GYG2: variants seen among roughly 807,000 people sequenced by gnomAD.
GYG2 encodes glycogenin 2.
A neutral mutation model predicts 29.4 loss-of-function variants in GYG2; 29 were observed. The ratio of observed to expected loss-of-function variants is 0.99; its 90% CI spans 0.74 to 1.35. The LOEUF (loss-of-function observed/expected upper bound fraction) is 1.35. GYG2 is among the 40% of genes most tolerant of loss of function. The pLI, the probability that GYG2 is intolerant of heterozygous loss-of-function variation, is 0.00. For missense variants in GYG2, 370 were observed against 385.7 expected (o/e 0.96, Z 0.34); for synonymous variants, 167 against 172.3 (o/e 0.97, Z 0.24).
chrX:2,860,382 C>T (rs755370097), intron 7 of GYG2, among the ~76,000 whole-genome samples: 9 of 111,019 alleles, frequency 8.1e-5, no homozygotes, highest in Non-Finnish European at 1.5e-4. Context: ...CGACGTCATT[C>T]GGGTCAACAC....
At chrX:2,853,295 C>T (rs1344745786) in intron 3 of GYG2, among the ~76,000 whole-genome samples, 1 of 111,289 alleles carries the variant, frequency 9.0e-6, no homozygotes, top group Non-Finnish European at 1.9e-5. Flanking sequence ...AGTGCAATCT[C>T]CGCCTCCCGG....
rs775311684 is a variant in GYG2 at position 2,830,145 on chromosome X, G to A, written c.-44G>A. On this transcript the variant is annotated 5_prime_UTR_variant, in exon 2 of 11. Coordinates refer to ENST00000398806, the MANE Select transcript of GYG2 (RefSeq NM_001079855.2). ...GGAAGTCCACCCACTGCTCCCGGGC[G>A]CAGGTCTGCAGGTCCGCGCCCACTG... The A allele has an allele frequency of 1.7e-6, 2 of 1,193,864 alleles. No homozygotes were observed. Among genetic ancestry groups the A allele is most frequent in the South Asian group, 1.8e-5 (1 of 56,411 alleles).
chrX:2,860,134 C>A, intron 7 of GYG2, 69 bp downstream of exon 7: 2 of 701,327 alleles, frequency 2.9e-6, no homozygotes, highest in Non-Finnish European at 2.1e-6. Context: ...CAAGGTCTGG[C>A]GTGGTTTTTT....
chrX:2,857,648 A>C lies in GYG2; in HGVS notation c.614+1024A>C, dbSNP rs150166523. On this transcript the variant is annotated intron_variant, in intron 6 of 10. Coordinates refer to ENST00000398806, the MANE Select transcript of GYG2 (RefSeq NM_001079855.2). ...CATCTATCTATATATTAATACATAG[A>C]TGTATCTATCTATATACGTCTTTAT... is the stretch of plus-strand genomic sequence containing the variant. 1.9e-4 allele frequency among the ~76,000 whole-genome samples: 21 copies of C among 110,540 alleles called. No individual in the cohort carries two copies. In the East Asian group the frequency reaches 5.7e-3, roughly 30 times the overall value.
chrX:2,859,811 G>A (rs1183895714), intron 6 of GYG2, 32 bp from the exon 7 acceptor site: 23 of 986,992 alleles, frequency 2.3e-5, no homozygotes, highest in Non-Finnish European at 3.2e-5. Context: ...ACATCTGAGT[G>A]GAAATCAGAA....
rs1173176375 is a variant in GYG2 at position 2,857,290 on chromosome X, TTATC to T, written c.614+681_614+684del. ...ATCTGGATATCTATCTATAAACATC[TTATC>T]TATCTATCTATCTAGATCTACATCA... On this transcript the variant is annotated intron_variant, in intron 6 of 10. Transcript: ENST00000398806. Among the ~76,000 whole-genome samples the T allele has an allele frequency of 7.9e-4, 27 of 34,080 alleles. 1 individual carries two copies. The highest frequency in any genetic ancestry group is 3.2e-3 in the Admixed American group (10 of 3,120). The allele number at this position is 34,080 out of a possible 115,157, so 29.6% of individuals were successfully genotyped here.
intron 8 of GYG2, among the ~76,000 whole-genome samples, chrX:2,873,937 A>C (rs188428933): frequency 1.8e-5 from 2 of 110,365 alleles, no homozygotes; most frequent in Admixed American, 1.9e-4. Flanking sequence ...GAAAAAATAC[A>C]CAAAAAAAAT....
intron 6 of GYG2, among the ~76,000 whole-genome samples, chrX:2,857,145 T>G (rs1351271228): frequency 1.8e-5 from 2 of 108,853 alleles, no homozygotes; most frequent in Non-Finnish European, 3.8e-5. Flanking sequence ...TATGTAGATA[T>G]TTATCTATCT....
chrX:2,846,857 T>C (rs2087749137), intron 3 of GYG2, among the ~76,000 whole-genome samples: 2 of 112,387 alleles, frequency 1.8e-5, no homozygotes, highest in Admixed American at 1.9e-4. Context: ...AAATAGTATA[T>C]AGAACCCTTT....
chrX:2,841,138 T>G (rs1449972001), intron 2 of GYG2, among the ~76,000 whole-genome samples: 2 of 109,163 alleles, frequency 1.8e-5, no homozygotes, highest in Non-Finnish European at 3.8e-5. Flanking sequence ...AGATGATAGA[T>G]GGATGGATGT....
intron 8 of GYG2, among the ~76,000 whole-genome samples, chrX:2,870,631 G>C (rs1210568902): frequency 8.9e-6 from 1 of 111,933 alleles, no homozygotes; most frequent in Non-Finnish European, 1.9e-5. Flanking sequence ...GATCTCTTTG[G>C]CTATGTCTAA....
In GYG2 at chrX:2,845,822, TA is replaced by T. The variant is rs1283211808; in HGVS notation, c.149+2469del. Among the ~76,000 whole-genome samples, 5 of 102,621 alleles carry T rather than the reference TA, an allele frequency of 4.9e-5. No homozygotes were observed. The East Asian group carries it at 1.5e-3, about 32-fold the overall frequency. The allele number at this position is 102,621 out of a possible 115,157, so 89.1% of individuals were successfully genotyped here. On this transcript the variant is annotated intron_variant, in intron 3 of 10. Transcript: ENST00000398806. ...ATGTGTATATATATGTTCAAATGTA[TA>T]TGTATATACATATAAAATATATATA...
At chrX:2,856,737 C>CTATGT (rs755581334) in intron 6 of GYG2, 113 bp downstream of exon 6, 11 of 418,312 alleles carry the variant, frequency 2.6e-5, no homozygotes, top group African/African-American at 2.5e-4. Context: ...ATCTATCTAT[C>CTATGT]ATCTATCTAT....
Position 2,848,096 on chromosome X carries a change from TGA to T in GYG2, c.149+4744_149+4745del, listed in dbSNP as rs201306767. Among the ~76,000 whole-genome samples the T allele has an allele frequency of 9.6e-3, 1,082 of 112,485 alleles. 16 individuals carry two copies. The highest frequency in any genetic ancestry group is 0.031 in the African/African-American group (974 of 30,997). ...ATTATGTGTTAAAGATAAAACAAACTGAGGGCCACATTTAAAATATTATAATG... is the reference window on the plus strand; with the variant it reads ...ATTATGTGTTAAAGATAAAACAAACTGGGCCACATTTAAAATATTATAATG... On this transcript the variant is annotated intron_variant, in intron 3 of 10. Transcript: ENST00000398806.
At chrX:2,838,029 C>A (rs866988011) in intron 2 of GYG2, among the ~76,000 whole-genome samples, 1 of 99,585 alleles carries the variant, frequency 1.0e-5, no homozygotes, top group Non-Finnish European at 2.0e-5. Flanking sequence ...AGGCATGTGC[C>A]AAAAAAAAAA....
At chrX:2,857,003 CTAT>C (rs1185380595) in intron 6 of GYG2, among the ~76,000 whole-genome samples, 1 of 99,844 alleles carries the variant, frequency 1.0e-5, no homozygotes, top group Non-Finnish European at 2.1e-5. Context: ...ATCTATCTAT[CTAT>C]CTATCCATAT....
Position 2,855,154 on chromosome X carries a change from C to T in GYG2, c.486C>T (p.Asp162=), listed in dbSNP as rs147580264. Residue 162 remains aspartate, a splice_region_variant and synonymous_variant, in exon 5 of 11, where the codon GAC becomes GAT. Coordinates refer to ENST00000398806, the MANE Select transcript of GYG2 (RefSeq NM_001079855.2). ...LQHAMEHGSF[D]GADQGLLNSF... ...ACGCCATGGAACACGGCAGCTTTGA[C>T]GGTAAGTCAGGGCAGCCCGGACGCT... 1.9e-5 allele frequency: 23 copies of T among 1,207,152 alleles called. No homozygotes were observed. In the African/African-American group the frequency reaches 2.1e-4, roughly 11 times the overall value.
chrX:2,845,644 C>CGCATGTGTATGTACATACATTTATATAT lies in GYG2; in HGVS notation c.149+2315_149+2342dup, dbSNP rs1158218238. 9.8e-4 allele frequency among the ~76,000 whole-genome samples: 102 copies of CGCATGTGTATGTACATACATTTATATAT among 104,171 alleles called. 1 individual carries two copies. The highest frequency in any genetic ancestry group is 3.3e-3 in the African/African-American group (94 of 28,782). The allele number at this position is 104,171 out of a possible 115,157, so 90.5% of individuals were successfully genotyped here. On this transcript the variant is annotated intron_variant, in intron 3 of 10. Transcript: ENST00000398806. ...ATGTGTATTTACATACATTTATATA[C>CGCATGTGTATGTACATACATTTATATAT]GCATGTGTATGTACATACATTTATA...
At chrX:2,868,456 CAAAAA>C (rs148463105) in intron 8 of GYG2, among the ~76,000 whole-genome samples, 1 of 32,491 alleles carries the variant, frequency 3.1e-5, no homozygotes, top group African/African-American at 8.8e-5. Context: ...GACTCCGTCT[CAAAAA>C]AAAAAAAAAA....
Sources: gnomAD v4.1 joint callset for allele counts (sites outside exome capture counted in the v4.1 genomes callset) on GRCh38, gnomAD v4.1.1 for gene constraint, MANE v1.5 for transcripts, NCBI Gene and HGNC (gene_info 2026-07-23, HGNC 2026-07-21) for gene names.